Variants in FBN1 observed in about 807,000 individuals in gnomAD.
The protein encoded by FBN1 is fibrillin-1.
In FBN1, 29 loss-of-function variants were observed where a neutral mutation model predicts 365.1. The ratio of observed to expected loss-of-function variants is 0.08; its 90% CI spans 0.06 to 0.11. The LOEUF (loss-of-function observed/expected upper bound fraction) is 0.11. FBN1 is among the 10% of genes least tolerant of loss of function. FBN1 has a pLI of 1.00. For synonymous variants in FBN1, 1,210 were observed against 1,270.5 expected (o/e 0.95, Z 1.01); for missense variants, 2,476 against 3,703.2 (o/e 0.67, Z 8.60).
intron 63 of FBN1, among the ~76,000 whole-genome samples, chr15:48,416,473 C>G (rs1021879421): frequency 1.2e-4 from 19 of 152,168 alleles, no homozygotes; most frequent in African/African-American, 4.6e-4. Flanking sequence ...CAGCCTCCTG[C>G]CCAGAGTGTC....
At chr15:48,532,587 G>A (rs2043983085) in intron 8 of FBN1, among the ~76,000 whole-genome samples, 1 of 151,886 alleles carries the variant, frequency 6.6e-6, no homozygotes, top group Non-Finnish European at 1.5e-5. Flanking sequence ...AATGTAATAT[G>A]GCTCAGCAAG....
At chr15:48,481,486 A>C (rs1175093620) in intron 32 of FBN1, among the ~76,000 whole-genome samples, 169 bp downstream of exon 32, 1 of 152,206 alleles carries the variant, frequency 6.6e-6, no homozygotes, top group East Asian at 1.9e-4. Flanking sequence ...ATCCAATATA[A>C]ACGATGACAA....
intron 65 of FBN1, 34 bp from the exon 66 acceptor site, chr15:48,411,413 T>C (rs199598298): frequency 6.2e-7 from 1 of 1,600,760 alleles, no homozygotes; most frequent in East Asian, 2.2e-5. Context: ...TTAAATACAA[T>C]GTACATATGC....
intron 27 of FBN1, 75 bp from the exon 28 acceptor site, chr15:48,487,512 C>T: frequency 6.3e-7 from 1 of 1,593,974 alleles, no homozygotes; most frequent in Non-Finnish European, 8.5e-7. Flanking sequence ...CTCCCCCACC[C>T]ATTGCTGGGT....
rs1027505057 is a variant in FBN1 at position 48,499,529 on chromosome 15, T to C, written c.2114-491A>G. On this transcript the variant is annotated intron_variant, in intron 17 of 65. Transcript: ENST00000316623. ...ACAAGAGCAACAACAGAATACCTAC[T>C]CTTGCATTTAAGTGTATTTTTAAAG... Among the ~76,000 whole-genome samples, 3 of 152,186 alleles carry C rather than the reference T, an allele frequency of 2.0e-5. No individual in the cohort carries two copies. In the East Asian group the frequency reaches 5.8e-4, roughly 29 times the overall value.
At chr15:48,448,953 A>AC (rs2043180164) in intron 45 of FBN1, 60 bp from the exon 46 acceptor site, 4 of 1,390,932 alleles carry the variant, frequency 2.9e-6, no homozygotes, top group Non-Finnish European at 4.1e-6. Context: ...TGAATAACTT[A>AC]CTTCTAGCTA....
At chr15:48,420,948 G>C in intron 62 of FBN1, 142 bp from the exon 63 acceptor site, 1 of 923,664 alleles carries the variant, frequency 1.1e-6, no homozygotes, top group Non-Finnish European at 1.7e-6. Context: ...TTCTGGAACT[G>C]CTGCTAAGTC....
intron 54 of FBN1, among the ~76,000 whole-genome samples, chr15:48,434,114 A>C (rs1440511166): frequency 6.6e-6 from 1 of 152,102 alleles, no homozygotes; most frequent in African/African-American, 2.4e-5. Flanking sequence ...TTACGGATGG[A>C]CACTTTTCAG....
chr15:48,515,398 C>T lies in FBN1; in HGVS notation c.1457G>A (p.Gly486Glu), dbSNP rs1597580913. 1 of 1,613,944 alleles carries T rather than the reference C, an allele frequency of 6.2e-7. No homozygotes were observed. Residue 486 changes from glycine (G) to glutamate (E), a missense_variant, in exon 12 of 66, where the codon GGG becomes GAG. By Grantham distance (98) the Gly-to-Glu change is moderately conservative. Around this residue, in one of 5 missense-constraint regions of FBN1, gnomAD observed 421 missense variants for 520.1 expected, o/e 0.81. Coordinates refer to ENST00000316623, the MANE Select transcript of FBN1 (RefSeq NM_000138.5). ...CNKGFQLDLR[G>E]ECIDVDECEK... is the part of the protein sequence containing the mutation. ...GATGGATCACGTACCAATACACTCC[C>T]CACGGAGGTCCAGCTGGAACCCTTT...
intron 17 of FBN1, among the ~76,000 whole-genome samples, chr15:48,500,504 G>A (rs1484649585): frequency 6.6e-6 from 1 of 152,076 alleles, no homozygotes; most frequent in Non-Finnish European, 1.5e-5. Flanking sequence ...TTCACCTGGT[G>A]GCTGTACAGA....
At position 48,486,151 on chromosome 15, in the gene FBN1, G is replaced by T. The variant is rs367587773; in HGVS notation, c.3590-655C>A. Among the ~76,000 whole-genome samples the T allele has an allele frequency of 2.0e-5, 3 of 152,210 alleles. No homozygotes were observed. In the East Asian group the frequency reaches 5.8e-4, roughly 29 times the overall value. On this transcript the variant is annotated intron_variant, in intron 29 of 65. Coordinates refer to ENST00000316623, the MANE Select transcript of FBN1 (RefSeq NM_000138.5). ...ATGCAGGAGAAGTATTGGGTGCTAGGAGAACACATCTCAGTTATGATAATA... is the reference window on the plus strand; with the variant it reads ...ATGCAGGAGAAGTATTGGGTGCTAGTAGAACACATCTCAGTTATGATAATA...
intron 46 of FBN1, among the ~76,000 whole-genome samples, chr15:48,448,541 T>C (rs1482815943): frequency 6.6e-6 from 1 of 152,150 alleles, no homozygotes; most frequent in African/African-American, 2.4e-5. Flanking sequence ...TACCCCTTAG[T>C]CAATTTTTTC....
Position 48,488,489 on chromosome 15 carries a change from G to A in FBN1, c.3087C>T (p.Ile1029=), listed in dbSNP as rs1227037477. The change falls in exon 26 of 66, where the codon ATC becomes ATT. Residue 1029 remains isoleucine, a synonymous_variant. Transcript: ENST00000316623. The stretch of plus-strand genomic sequence containing the variant: ...GGCTGGGTATCATCTTGCACTCATT[G>A]ATATCTTCAAGAATAAGAAAATGTG... ...ITNGKPFFKD[I]NECKMIPSLC... 6.2e-7 allele frequency: 1 copy of A among 1,613,666 alleles called. No homozygotes were observed. Among genetic ancestry groups the A allele is most frequent in the Admixed American group, 1.7e-5 (1 of 60,022 alleles).
intron 31 of FBN1, among the ~76,000 whole-genome samples, chr15:48,482,379 T>G (rs2043471792): frequency 6.6e-6 from 1 of 152,136 alleles, no homozygotes; most frequent in Non-Finnish European, 1.5e-5. Context: ...AATTATATTC[T>G]CAGATGAAAC....
At position 48,412,761 on chromosome 15, in the gene FBN1, C is replaced by T. The variant is rs1221033192; in HGVS notation, c.8052-18G>A. 1 of 1,613,882 alleles carries T rather than the reference C, an allele frequency of 6.2e-7. No individual in the cohort carries two copies. Among genetic ancestry groups the T allele is most frequent in the Admixed American group, 1.7e-5 (1 of 60,028 alleles). On this transcript the variant is annotated intron_variant, in intron 64 of 65. Coordinates refer to ENST00000316623, the MANE Select transcript of FBN1 (RefSeq NM_000138.5). ...CACAGTGCCTGCAGCAGAAGGGGAG[C>T]ATAGATGTTTTTCATTAGAATGGGA... is the stretch of plus-strand genomic sequence containing the variant.
At position 48,516,379 on chromosome 15, in the gene FBN1, A is replaced by C. The variant is rs776336166; in HGVS notation, c.1148-17T>G. 2.5e-6 allele frequency: 4 copies of C among 1,612,816 alleles called. No homozygotes were observed. The highest frequency in any genetic ancestry group is 2.2e-5 in the East Asian group (1 of 44,872). On this transcript the variant is annotated splice_polypyrimidine_tract_variant and intron_variant, in intron 10 of 65. Transcript: ENST00000316623. The stretch of plus-strand genomic sequence containing the variant: ...TGAAATCCTCTAGAAAAACACAACA[A>C]AACAAAACACAACAGCTGAGCTGTA...
intron 50 of FBN1, among the ~76,000 whole-genome samples, chr15:48,438,483 G>A (rs567282930): frequency 6.6e-6 from 1 of 152,138 alleles, no homozygotes; most frequent in Non-Finnish European, 1.5e-5. Context: ...TACAACACAA[G>A]GGTTGGTCAC....
In FBN1 at chr15:48,508,686, ATGC is replaced by A. The variant is rs759351495; in HGVS notation, c.1730_1732del (p.Ser577del). 6.2e-7 allele frequency: 1 copy of A among 1,613,818 alleles called. No individual in the cohort carries two copies. The highest frequency in any genetic ancestry group is 8.5e-7 in the Non-Finnish European group (1 of 1,179,740). On this transcript the variant is annotated inframe_deletion, in exon 15 of 66. Transcript: ENST00000316623. ...CATTCCATTAAGGCACATGTTCCTT[ATGC>A]TGCATTCATCCATATCTGAAAATAC...
chr15:48,642,651 T>G (rs1366276062), intron 2 of FBN1: 2 of 143,070 alleles, frequency 1.4e-5, no homozygotes, highest in Admixed American at 7.0e-5. Context: ...ATTTTTAAAT[T>G]ATTATTTTCA....
Sources: allele counts gnomAD v4.1 joint callset (sites outside exome capture counted in the v4.1 genomes callset), GRCh38; gene constraint gnomAD v4.1.1; regional missense constraint gnomAD v4.1.1; transcripts MANE v1.5; gene names NCBI Gene and HGNC (gene_info 2026-07-23, HGNC 2026-07-21).